The following NFXL1 variants were observed in gnomAD, a reference collection of about 807,000 sequenced individuals.
NFXL1 encodes NF-X1-type zinc finger protein NFXL1.
Under a neutral mutation model 123.3 loss-of-function variants are expected in NFXL1, and 66 were observed. That is an observed-to-expected ratio of 0.54 (90% confidence interval 0.44 to 0.66). The LOEUF (loss-of-function observed/expected upper bound fraction) is 0.66. Among genes scored for constraint, NFXL1 ranks in the 30% least tolerant of loss-of-function variants. The pLI, the probability that NFXL1 is intolerant of heterozygous loss-of-function variation, is 0.00. For synonymous variants in NFXL1, 346 were observed against 360.8 expected (o/e 0.96, Z 0.46); for missense variants, 944 against 1,125.6 (o/e 0.84, Z 2.31).
At chr4:47,875,002 G>A in intron 18 of NFXL1, 125 bp downstream of exon 18, 1 of 494,962 alleles carries the variant, frequency 2.0e-6, no homozygotes, top group Non-Finnish European at 3.6e-6. Flanking sequence ...TTCCTTCCAG[G>A]TCTCTACTGG....
At chr4:47,849,417 T>C (rs1436109203) in intron 22 of NFXL1, among the ~76,000 whole-genome samples, 3 of 152,120 alleles carry the variant, frequency 2.0e-5, no homozygotes, top group Non-Finnish European at 4.4e-5. Context: ...AAAATATATA[T>C]GTATTTAATA....
chr4:47,893,432 A>G (rs973059543), intron 11 of NFXL1, among the ~76,000 whole-genome samples: 1 of 152,154 alleles, frequency 6.6e-6, no homozygotes, highest in Non-Finnish European at 1.5e-5. Flanking sequence ...GATAAAGAGA[A>G]AGATCTTAAT....
At chr4:47,886,101 A>C (rs1261600691) in intron 12 of NFXL1, 102 bp from the exon 13 acceptor site, 1 of 1,020,762 alleles carries the variant, frequency 9.8e-7, no homozygotes, top group African/African-American at 1.6e-5. Flanking sequence ...GGGATACTCT[A>C]CAACAAGAAT....
intron 18 of NFXL1, among the ~76,000 whole-genome samples, chr4:47,871,376 C>CA (rs1234867706): frequency 1.9e-4 from 29 of 149,776 alleles, no homozygotes; most frequent in African/African-American, 6.8e-4. Flanking sequence ...AAAAACAAAA[C>CA]AAAAAAACAC....
chr4:47,889,934 G>A (rs1346646422), intron 12 of NFXL1, among the ~76,000 whole-genome samples: 2 of 152,000 alleles, frequency 1.3e-5, no homozygotes, highest in African/African-American at 4.8e-5. Context: ...TGTTAAGCTA[G>A]ACATTAAAGA....
intron 3 of NFXL1, among the ~76,000 whole-genome samples, chr4:47,908,678 T>A (rs6816082): frequency 1.3e-5 from 2 of 151,930 alleles, no homozygotes; most frequent in East Asian, 1.9e-4. Flanking sequence ...ATTTTTGGCC[T>A]GGCGCAATGG....
At chr4:47,851,805 TAAG>T (rs1348365871) in intron 21 of NFXL1, 48 bp downstream of exon 21, 1 of 1,182,102 alleles carries the variant, frequency 8.5e-7, no homozygotes. Flanking sequence ...ATGCACAAAA[TAAG>T]AAGGGAAAGG....
intron 12 of NFXL1, among the ~76,000 whole-genome samples, chr4:47,888,440 G>A (rs1736576829): frequency 6.6e-6 from 1 of 152,074 alleles, no homozygotes; most frequent in Admixed American, 6.5e-5. Context: ...AACTGTAGAT[G>A]AAACAAATAT....
intron 18 of NFXL1, among the ~76,000 whole-genome samples, chr4:47,870,831 GAA>G (rs1190560318): frequency 6.7e-6 from 1 of 149,024 alleles, no homozygotes; most frequent in Non-Finnish European, 1.5e-5. Context: ...TTATTAGCCA[GAA>G]AAAAAAAGAA....
rs1733867392 is a variant in NFXL1, at chr4:47,847,336, A to G, written c.*827T>C. The stretch of plus-strand genomic sequence containing the variant: ...TAATTCAAACAGATTTGACTTACTG[A>G]TATTTCTCTATTTGTTTTCATAAGA... On this transcript the variant is annotated 3_prime_UTR_variant, in exon 23 of 23. Coordinates refer to ENST00000507489, the MANE Select transcript of NFXL1 (RefSeq NM_001278624.2). 1 of 152,178 alleles carries G rather than the reference A, an allele frequency of 6.6e-6. No individual in the cohort carries two copies. The highest frequency in any genetic ancestry group is 2.4e-5 in the African/African-American group (1 of 41,448). The allele number at this position is 152,178 out of a possible 1,614,324, so 9.4% of individuals were successfully genotyped here.
intron 3 of NFXL1, among the ~76,000 whole-genome samples, chr4:47,907,045 T>C (rs1051690633): frequency 6.6e-6 from 1 of 152,244 alleles, no homozygotes; most frequent in Non-Finnish European, 1.5e-5. Flanking sequence ...AACAGTTATC[T>C]ACCTCACAAT....
At chr4:47,866,508 C>A (rs1277692173) in intron 18 of NFXL1, among the ~76,000 whole-genome samples, 2 of 152,066 alleles carry the variant, frequency 1.3e-5, no homozygotes, top group Non-Finnish European at 2.9e-5. Flanking sequence ...ACATCCAAAG[C>A]CTTTTTGCTG....
rs752021955 is a variant in NFXL1 at position 47,896,591 on chromosome 4, C to G, written c.1261G>C (p.Val421Leu). The change falls in exon 10 of 23, where the codon GTA (valine) becomes CTA (leucine). Residue 421 changes from valine to leucine, a missense_variant. Around this residue, in one of 4 missense-constraint regions of NFXL1, gnomAD observed 296 missense variants for 395.1 expected, o/e 0.75. Coordinates refer to ENST00000507489, the MANE Select transcript of NFXL1 (RefSeq NM_001278624.2). ...VPTCGDSCDK[V>L]LECGIHRCSQ... The stretch of plus-strand genomic sequence containing the variant: ...CATCTATGGATTCCGCATTCAAGTA[C>G]TTTGTCACAACTGTCTCCACAAGTT... 1 of 1,612,690 alleles carries G rather than the reference C, an allele frequency of 6.2e-7. No homozygotes were observed. Among genetic ancestry groups the G allele is most frequent in the Non-Finnish European group, 8.5e-7 (1 of 1,178,804 alleles).
chr4:47,881,320 A>T (rs778710391), intron 15 of NFXL1, among the ~76,000 whole-genome samples: 1 of 152,166 alleles, frequency 6.6e-6, no homozygotes, highest in African/African-American at 2.4e-5. Flanking sequence ...ATAAATATGT[A>T]TAATTATTAT....
intron 20 of NFXL1, among the ~76,000 whole-genome samples, chr4:47,852,494 C>T (rs1287223685): frequency 6.6e-6 from 1 of 152,120 alleles, no homozygotes; most frequent in Non-Finnish European, 1.5e-5. Context: ...GCTACCATCT[C>T]AGATAGTGCA....
intron 19 of NFXL1, among the ~76,000 whole-genome samples, chr4:47,860,517 T>C (rs1734704360): frequency 6.6e-6 from 1 of 152,212 alleles, no homozygotes; most frequent in Non-Finnish European, 1.5e-5. Flanking sequence ...TCACATTCAA[T>C]AAACATTTAC....
chr4:47,883,322 G>A (rs962286553), intron 15 of NFXL1, among the ~76,000 whole-genome samples: 3 of 151,906 alleles, frequency 2.0e-5, no homozygotes, highest in Middle Eastern at 3.2e-3. Context: ...AGGTAATTAT[G>A]ACAACATTTT....
chr4:47,878,964 A>G, intron 16 of NFXL1, 132 bp downstream of exon 16: 1 of 587,094 alleles, frequency 1.7e-6, no homozygotes, highest in Non-Finnish European at 2.9e-6. Flanking sequence ...TAGTAGATAA[A>G]CTCTTGTACT....
chr4:47,905,022 G>A (rs1011921484), intron 4 of NFXL1, among the ~76,000 whole-genome samples: 2 of 151,976 alleles, frequency 1.3e-5, no homozygotes, highest in East Asian at 3.9e-4. Flanking sequence ...AGACAACTAA[G>A]TTATATCAAT....
Sources: gnomAD v4.1 joint callset for allele counts (sites outside exome capture counted in the v4.1 genomes callset) on GRCh38, gnomAD v4.1.1 for gene constraint, gnomAD v4.1.1 regional missense constraint, MANE v1.5 for transcripts, NCBI Gene and HGNC (gene_info 2026-07-23, HGNC 2026-07-21) for gene names.